The following GRIK2 variants were observed in gnomAD, a reference collection of about 807,000 sequenced individuals.
GRIK2 encodes the protein glutamate ionotropic receptor kainate type subunit 2.
In GRIK2, 32 loss-of-function variants were observed where a neutral mutation model predicts 100.3. The observed-to-expected ratio is 0.32, with a 90% CI of 0.24 to 0.43. The LOEUF is 0.43. GRIK2 is among the 20% of genes least tolerant of loss of function. The pLI, the probability that GRIK2 is intolerant of heterozygous loss-of-function variation, is 1.00. For missense variants in GRIK2, 843 were observed against 1,114.9 expected (o/e 0.76, Z 3.47); for synonymous variants, 417 against 389.4 (o/e 1.07, Z -0.83).
intron 14 of GRIK2, among the ~76,000 whole-genome samples, chr6:101,957,360 G>C (rs970338687): frequency 4.0e-5 from 6 of 151,754 alleles, no homozygotes; most frequent in African/African-American, 1.2e-4. Flanking sequence ...TTATAGAGTT[G>C]TTTGAGTTCT....
intron 7 of GRIK2, among the ~76,000 whole-genome samples, chr6:101,693,594 C>G (rs971382440): frequency 6.6e-6 from 1 of 151,880 alleles, no homozygotes; most frequent in African/African-American, 2.4e-5. Context: ...GTGGTTAGAA[C>G]GTGGACTTAT....
At chr6:101,912,107 CACACAG>C (rs1214454449) in intron 12 of GRIK2, among the ~76,000 whole-genome samples, 1,719 of 21,176 alleles carry the variant, frequency 0.081, 34 homozygotes, top group East Asian at 0.27. Flanking sequence ...CACAAACACA[CACACAG>C]AGACCGAGAG....
chr6:101,926,624 A>G (rs1197236413), intron 13 of GRIK2, among the ~76,000 whole-genome samples: 1 of 152,214 alleles, frequency 6.6e-6, no homozygotes, highest in African/African-American at 2.4e-5. Context: ...TCAAGCAATG[A>G]AAAATTCAAA....
At chr6:101,537,937 C>T (rs1013832184) in intron 2 of GRIK2, among the ~76,000 whole-genome samples, 3 of 151,680 alleles carry the variant, frequency 2.0e-5, no homozygotes, top group African/African-American at 7.3e-5. Context: ...AAGAAGTATT[C>T]CGAAATATGA....
Position 101,801,958 on chromosome 6 carries a change from A to C in GRIK2, c.1096-373A>C, listed in dbSNP as rs114143798. Among the ~76,000 whole-genome samples, 809 of 151,962 alleles carry C rather than the reference A, an allele frequency of 5.3e-3. 8 individuals are homozygous for C. The highest frequency in any genetic ancestry group is 0.018 in the African/African-American group (768 of 41,534). ...TATGAATTTAGTAGTGGGATTTTAT[A>C]ACAGTAGTTCTAACTGTATTTGCCA... On this transcript the variant is annotated intron_variant, in intron 8 of 16. Coordinates refer to ENST00000369134, the MANE Select transcript of GRIK2 (RefSeq NM_021956.5).
intron 10 of GRIK2, among the ~76,000 whole-genome samples, chr6:101,824,654 A>G (rs1159975779): frequency 1.3e-5 from 2 of 152,140 alleles, no homozygotes; most frequent in African/African-American, 4.8e-5. Flanking sequence ...ATGACTATGC[A>G]TTTGGTTACT....
At chr6:101,660,490 A>C (rs377488229) in intron 4 of GRIK2, among the ~76,000 whole-genome samples, 4 of 152,088 alleles carry the variant, frequency 2.6e-5, no homozygotes, top group African/African-American at 7.2e-5. Context: ...CATCAAACTC[A>C]TTCTCTTCCA....
intron 12 of GRIK2, among the ~76,000 whole-genome samples, chr6:101,900,330 G>A (rs922013106): frequency 3.9e-5 from 6 of 152,016 alleles, no homozygotes; most frequent in Non-Finnish European, 7.4e-5. Context: ...CGGGCGTGGT[G>A]GCACATGCCT....
intron 4 of GRIK2, among the ~76,000 whole-genome samples, chr6:101,651,073 C>A (rs1002306613): frequency 1.3e-5 from 2 of 148,530 alleles, no homozygotes; most frequent in Non-Finnish European, 1.5e-5. Flanking sequence ...GAATTGAGAC[C>A]CTAAATTGCT....
chr6:101,729,505 A>T (rs1775107800), intron 7 of GRIK2, among the ~76,000 whole-genome samples: 1 of 151,988 alleles, frequency 6.6e-6, no homozygotes, highest in African/African-American at 2.4e-5. Context: ...ACTCAATATT[A>T]GTAAATTGCA....
intron 12 of GRIK2, among the ~76,000 whole-genome samples, chr6:101,891,066 CT>C (rs1787030878): frequency 6.7e-6 from 1 of 150,016 alleles, no homozygotes; most frequent in Non-Finnish European, 1.5e-5. Flanking sequence ...TACATGGATT[CT>C]TTTGATAAAT....
At chr6:101,831,349 G>A (rs1278168687) in intron 10 of GRIK2, among the ~76,000 whole-genome samples, 1 of 151,984 alleles carries the variant, frequency 6.6e-6, no homozygotes, top group Non-Finnish European at 1.5e-5. Flanking sequence ...ACATTGAGTT[G>A]TACTGATGGT....
intron 14 of GRIK2, among the ~76,000 whole-genome samples, chr6:102,010,150 G>T (rs1795451505): frequency 6.6e-6 from 1 of 152,018 alleles, no homozygotes; most frequent in Non-Finnish European, 1.5e-5. Context: ...CACCAGAATG[G>T]TTATATTTGT....
At chr6:101,776,116 C>T (rs930508636) in intron 7 of GRIK2, among the ~76,000 whole-genome samples, 3 of 151,902 alleles carry the variant, frequency 2.0e-5, no homozygotes, top group Admixed American at 2.0e-4. Context: ...TTTTCTTCTT[C>T]GAAGAATGAG....
intron 15 of GRIK2, among the ~76,000 whole-genome samples, chr6:102,037,285 T>A (rs1175511099): frequency 6.6e-6 from 1 of 151,344 alleles, no homozygotes. Context: ...GTTAATGGTG[T>A]AATTGGAATT....
intron 13 of GRIK2, among the ~76,000 whole-genome samples, chr6:101,925,608 A>G (rs935895496): frequency 1.4e-4 from 22 of 152,040 alleles, no homozygotes; most frequent in African/African-American, 5.1e-4. Context: ...ATTAGTAAAT[A>G]AAGCAAAAAA....
chr6:101,610,311 AAATT>A (rs1437017723), intron 2 of GRIK2, among the ~76,000 whole-genome samples: 9 of 151,810 alleles, frequency 5.9e-5, no homozygotes, highest in Admixed American at 2.6e-4. Flanking sequence ...TAATACTATT[AAATT>A]AATTTGCATT....
intron 2 of GRIK2, among the ~76,000 whole-genome samples, chr6:101,450,342 A>C (rs1467179363): frequency 1.3e-5 from 2 of 151,728 alleles, no homozygotes; most frequent in Non-Finnish European, 3.0e-5. Context: ...TGAGGAGTGA[A>C]CCTTATTACA....
At chr6:101,885,798 A>G (rs1359652246) in intron 11 of GRIK2, among the ~76,000 whole-genome samples, 1 of 152,080 alleles carries the variant, frequency 6.6e-6, no homozygotes, top group Non-Finnish European at 1.5e-5. Flanking sequence ...ATTGTGCAGA[A>G]AGTAGACTTT....
Sources: gnomAD v4.1 joint callset for allele counts (sites outside exome capture counted in the v4.1 genomes callset) on GRCh38, gnomAD v4.1.1 for gene constraint, MANE v1.5 for transcripts, NCBI Gene and HGNC (gene_info 2026-07-23, HGNC 2026-07-21) for gene names.